The following TRNT1 variants were observed in gnomAD, a reference collection of about 807,000 sequenced individuals.
TRNT1 encodes the protein CCA tRNA nucleotidyltransferase 1, mitochondrial.
Under a neutral mutation model 45.6 loss-of-function variants are expected in TRNT1, and 44 were observed. That is an observed-to-expected ratio of 0.97 (90% CI 0.76 to 1.24). The LOEUF is 1.24. TRNT1 is among the 50% of genes most tolerant of loss of function. TRNT1 has a pLI of 0.00. For synonymous variants in TRNT1, 201 were observed against 171.4 expected (o/e 1.17, Z -1.35); for missense variants, 633 against 504.4 (o/e 1.25, Z -2.44).
chr3:3,133,156 A>G (rs1185172972), intron 2 of TRNT1, among the ~76,000 whole-genome samples: 1 of 152,160 alleles, frequency 6.6e-6, no homozygotes, highest in Non-Finnish European at 1.5e-5. Flanking sequence ...AATATGAGAG[A>G]CTAGAATAGT....
chr3:3,128,426 G>A (rs992231372), intron 1 of TRNT1, among the ~76,000 whole-genome samples: 4 of 152,016 alleles, frequency 2.6e-5, no homozygotes, highest in South Asian at 2.1e-4. Flanking sequence ...GTAAAACCCC[G>A]TCTCTACCCA....
In TRNT1 at chr3:3,140,611, G is replaced by T. The variant is rs41399044; in HGVS notation, c.444G>T (p.Ala148=). 28,713 of 1,613,944 alleles carry T rather than the reference G, an allele frequency of 0.018. 609 individuals carry two copies. Among genetic ancestry groups the T allele is most frequent in the African/African-American group, 0.11 (8,149 of 74,990 alleles). ...VEFTTDWQKD[A]ERRDLTINSM... is the part of the protein sequence containing the mutation. ...TTACAACTGACTGGCAGAAAGATGC[G>T]GAACGCAGAGATCTCACTATAAATT... The change falls in exon 4 of 8, where the codon GCG becomes GCT. Residue 148 remains alanine (A), a synonymous_variant. Transcript: ENST00000251607.
chr3:3,150,682 C>CTAAAG (rs1490702168), downstream of TRNT1: 7 of 601,990 alleles, frequency 1.2e-5, no homozygotes, highest in African/African-American at 1.9e-5. Context: ...TGCTTGTTTC[C>CTAAAG]TAAAGTATAC....
intron 3 of TRNT1, among the ~76,000 whole-genome samples, chr3:3,139,568 ATCTCT>A (rs1424766158): frequency 6.6e-6 from 1 of 152,082 alleles, no homozygotes; most frequent in Non-Finnish European, 1.5e-5. Flanking sequence ...GCCTTTGGTC[ATCTCT>A]TCTCTTCATT....
chr3:3,128,997 G>C lies in TRNT1; in HGVS notation c.-27-17G>C. On this transcript the variant is annotated splice_polypyrimidine_tract_variant and intron_variant, in intron 1 of 7. Coordinates refer to ENST00000251607, the MANE Select transcript of TRNT1 (RefSeq NM_182916.3). ...CACTTTTAATTTCATTGGTATGCCT[G>C]TGTATTTGCCTTGTAGATGTGTAGT... 1.3e-6 allele frequency: 2 copies of C among 1,536,060 alleles called. No homozygotes were observed. Among genetic ancestry groups the C allele is most frequent in the South Asian group, 1.3e-5 (1 of 79,770 alleles).
rs983985871 is a variant in TRNT1, at chr3:3,148,434, A to T, written c.*280A>T. 1.3e-4 allele frequency: 31 copies of T among 242,558 alleles called. No homozygotes were observed. Among genetic ancestry groups the T allele is most frequent in the Admixed American group, 6.6e-4 (13 of 19,746 alleles). The allele number at this position is 242,558 out of a possible 1,614,324, so 15.0% of individuals were successfully genotyped here. ...TCTATCTTAACCTGTTCAGGCTTTT[A>T]AAAAAAACTGTTTTTGCATAGGGTA... On this transcript the variant is annotated 3_prime_UTR_variant, in exon 8 of 8. Coordinates refer to ENST00000251607, the MANE Select transcript of TRNT1 (RefSeq NM_182916.3).
At chr3:3,129,907 TTTCC>T in intron 2 of TRNT1, 2 of 1,550,630 alleles carry the variant, frequency 1.3e-6, no homozygotes, top group Non-Finnish European at 1.7e-6. Context: ...CTAAGCTCTG[TTTCC>T]TTCCTAGGTA....
At position 3,144,581 on chromosome 3, in the gene TRNT1, T is replaced by C. The variant is rs752935047; in HGVS notation, c.482-3T>C. On this transcript the variant is annotated splice_region_variant and splice_polypyrimidine_tract_variant and intron_variant, in intron 4 of 7. Transcript: ENST00000251607. ...TTTTTCTCCCTCCTTTTCTAATGAATAGGTTTTGATGGCACTTTATTTGAC... is the reference window on the plus strand; with the variant it reads ...TTTTTCTCCCTCCTTTTCTAATGAACAGGTTTTGATGGCACTTTATTTGAC... 4 of 1,574,786 alleles carry C rather than the reference T, an allele frequency of 2.5e-6. No individual in the cohort carries two copies. The highest frequency in any genetic ancestry group is 1.2e-5 in the South Asian group (1 of 85,740).
downstream of TRNT1, chr3:3,151,023 A>G (rs797045036): frequency 6.2e-7 from 1 of 1,613,810 alleles, no homozygotes; most frequent in Non-Finnish European, 8.5e-7. Context: ...CAGATCTTAC[A>G]CTGGGCAACA....
downstream of TRNT1, chr3:3,150,840 A>ATAACTAAC (rs4183): frequency 1.3e-5 from 21 of 1,602,598 alleles, no homozygotes; most frequent in South Asian, 4.4e-5. Flanking sequence ...AATTTGTTAG[A>ATAACTAAC]TAACTTTATC....
downstream of TRNT1, among the ~76,000 whole-genome samples, chr3:3,151,207 T>C (rs1244710537): frequency 6.6e-6 from 1 of 152,230 alleles, no homozygotes; most frequent in African/African-American, 2.4e-5. Context: ...AAAACATTTC[T>C]AAAAACATTT....
At chr3:3,147,733 A>G in intron 7 of TRNT1, 30 bp downstream of exon 7, 2 of 1,569,406 alleles carry the variant, frequency 1.3e-6, no homozygotes, top group Non-Finnish European at 1.7e-6. Flanking sequence ...GGTCAGAAAT[A>G]TGAAGTATCG....
chr3:3,145,770 T>C (rs1159249880), intron 5 of TRNT1, among the ~76,000 whole-genome samples: 2 of 152,096 alleles, frequency 1.3e-5, no homozygotes, highest in African/African-American at 2.4e-5. Flanking sequence ...TAATAGAACA[T>C]AGATTAAGAC....
intron 2 of TRNT1, 155 bp downstream of exon 2, chr3:3,129,343 T>G: frequency 1.6e-5 from 11 of 667,526 alleles, no homozygotes; most frequent in Admixed American, 3.0e-5. Context: ...TTGCCCAGGC[T>G]GGTCTCAAAA....
chr3:3,129,568 T>A (rs548110083), intron 2 of TRNT1: 62 of 438,578 alleles, frequency 1.4e-4, no homozygotes, highest in Middle Eastern at 6.6e-4. Flanking sequence ...GGCAACAGAG[T>A]GAGACCCTGT....
intron 4 of TRNT1, among the ~76,000 whole-genome samples, chr3:3,141,745 T>C (rs1189385581): frequency 6.6e-6 from 1 of 152,126 alleles, no homozygotes; most frequent in African/African-American, 2.4e-5. Context: ...TTTGTAGCAA[T>C]AGTAGTGGTA....
chr3:3,127,769 A>C (rs1380900795), intron 1 of TRNT1: 1 of 152,190 alleles, frequency 6.6e-6, no homozygotes, highest in Admixed American at 6.6e-5. Flanking sequence ...CATCCCTCTC[A>C]TACTGCCTGA....
chr3:3,152,524 A>T (rs767493312), downstream of TRNT1: 6 of 1,613,938 alleles, frequency 3.7e-6, no homozygotes, highest in African/African-American at 8.0e-5. Context: ...TATACACAGT[A>T]AGTGTCTCAT....
chr3:3,151,062 A>C (rs749655095), downstream of TRNT1: 1 of 1,613,398 alleles, frequency 6.2e-7, no homozygotes, highest in Non-Finnish European at 8.5e-7. Context: ...AATTAAGGAA[A>C]GATATCAGCT....
Sources: gnomAD v4.1 joint callset for allele counts (sites outside exome capture counted in the v4.1 genomes callset) on GRCh38, gnomAD v4.1.1 for gene constraint, MANE v1.5 for transcripts, NCBI Gene and HGNC (gene_info 2026-07-23, HGNC 2026-07-21) for gene names.